SMS: variants seen among roughly 807,000 people sequenced by gnomAD.
SMS encodes the protein spermidine aminopropyltransferase.
SMS carries 3 observed loss-of-function variants against 33.0 expected under a neutral mutation model. The observed-to-expected ratio is 0.09, with a 90% CI of 0.04 to 0.23. The LOEUF is 0.23. Ranked by LOEUF, SMS falls within the 10% of genes least tolerant of loss-of-function variation. The pLI, the probability that SMS is intolerant of heterozygous loss-of-function variation, is 1.00. For synonymous variants in SMS, 103 were observed against 112.2 expected (o/e 0.92, Z 0.52); for missense variants, 117 against 288.6 (o/e 0.41, Z 4.31).
chrX:21,955,962 A>G (rs1462678816), intron 1 of SMS, among the ~76,000 whole-genome samples: 1 of 112,223 alleles, frequency 8.9e-6, no homozygotes, highest in Non-Finnish European at 1.9e-5. Flanking sequence ...AGTTTGAATC[A>G]CTTGACAACC....
intron 1 of SMS, among the ~76,000 whole-genome samples, chrX:21,966,661 A>T (rs1923743795): frequency 9.0e-6 from 1 of 111,242 alleles, no homozygotes; most frequent in Admixed American, 9.6e-5. Flanking sequence ...ACTGTTGGAT[A>T]TTTTTTTCCA....
chrX:21,977,196 G>A lies in SMS; in HGVS notation c.465G>A (p.Ser155=), dbSNP rs1261897927. The part of the protein sequence containing the change: ...SPYQNIKILH[S]KQFGNILILS... ...ATCAAAATATAAAAATTCTACACTC[G>A]AAGCAGTTTGGAAATATTCTCATCC... is the stretch of plus-strand genomic sequence containing the variant. Residue 155 remains serine (S), a synonymous_variant, in exon 5 of 11, where the codon TCG becomes TCA. Coordinates refer to ENST00000404933, the MANE Select transcript of SMS (RefSeq NM_004595.5). 2 of 1,207,515 alleles carry A rather than the reference G, an allele frequency of 1.7e-6. No individual in the cohort carries two copies. The highest frequency in any genetic ancestry group is 1.8e-5 in the South Asian group (1 of 56,890).
rs778029334 is a variant in SMS, at chrX:21,945,970, G to A, written c.49+5097G>A. ...TCAAATAACAAGATGTGGCAGCAAG[G>A]CTAGTAAGTTTCATAAGTAGAGCTG... is the stretch of plus-strand genomic sequence containing the variant. On this transcript the variant is annotated intron_variant, in intron 1 of 10. Transcript: ENST00000404933. Among the ~76,000 whole-genome samples, 20 of 111,700 alleles carry A rather than the reference G, an allele frequency of 1.8e-4. No homozygotes were observed. In the East Asian group the frequency reaches 5.4e-3, roughly 30 times the overall value.
chrX:21,944,544 A>AAAAAAAAAAAAAAAAAAAAG (rs1555992699), intron 1 of SMS, among the ~76,000 whole-genome samples: 12 of 99,044 alleles, frequency 1.2e-4, no homozygotes, highest in East Asian at 3.4e-4. Context: ...AAAAAAAAAA[A>AAAAAAAAAAAAAAAAAAAAG]AGAAAAAAAA....
chrX:21,967,174 CCTT>C lies in SMS; in HGVS notation c.50-17_50-15del. Reference sequence around the variant, plus strand: ...TGAACGTTTCTTTCTGACCATCTTGCCTTCTTCCCCTTGTTCTCCAGCTGATGG... The same window carrying C: ...TGAACGTTTCTTTCTGACCATCTTGCCTTCCCCTTGTTCTCCAGCTGATGG... On this transcript the variant is annotated intron_variant, in intron 1 of 10. Coordinates refer to ENST00000404933, the MANE Select transcript of SMS (RefSeq NM_004595.5). 1 of 1,207,101 alleles carries C rather than the reference CCTT, an allele frequency of 8.3e-7. No homozygotes were observed. Among genetic ancestry groups the C allele is most frequent in the East Asian group, 3.0e-5 (1 of 33,675 alleles).
At chrX:21,944,522 CAAAA>C (rs777680386) in intron 1 of SMS, among the ~76,000 whole-genome samples, 3 of 34,710 alleles carry the variant, frequency 8.6e-5, no homozygotes, top group African/African-American at 2.4e-4. Flanking sequence ...CCTGTCTCTA[CAAAA>C]AAAAAAAAAA....
intron 2 of SMS, among the ~76,000 whole-genome samples, chrX:21,971,068 C>T (rs1924120385): frequency 9.2e-6 from 1 of 109,085 alleles, no homozygotes; most frequent in Non-Finnish European, 1.9e-5. Context: ...TGGTGGGACA[C>T]GCCTGTGGTC....
At chrX:21,943,860 C>T (rs1011670003) in intron 1 of SMS, among the ~76,000 whole-genome samples, 1 of 111,518 alleles carries the variant, frequency 9.0e-6, no homozygotes, top group Non-Finnish European at 1.9e-5. Flanking sequence ...GAAAAATCGA[C>T]TTGTGAGGTC....
chrX:21,965,994 T>C (rs1454570172), intron 1 of SMS, among the ~76,000 whole-genome samples: 2 of 111,447 alleles, frequency 1.8e-5, no homozygotes, highest in African/African-American at 6.5e-5. Context: ...GAATAAGTCA[T>C]ATCTGTCCAC....
At position 21,940,773 on chromosome X, in the gene SMS, C is replaced by T. The variant is rs1205628736; in HGVS notation, c.-52C>T. The T allele has an allele frequency of 1.2e-5, 12 of 1,010,846 alleles. No individual in the cohort carries two copies. The highest frequency in any genetic ancestry group is 3.9e-5 in the East Asian group (1 of 25,857). 83.3% of individuals were successfully genotyped at this position (1,010,846 alleles called of 1,213,427 possible). ...CGCAGCCTGACACGCCGCGCGGCCC[C>T]CCAGTCTCCCGCGGCTGCTCCCCCA... On this transcript the variant is annotated 5_prime_UTR_variant, in exon 1 of 11. Coordinates refer to ENST00000404933, the MANE Select transcript of SMS (RefSeq NM_004595.5).
rs139529544 is a variant in SMS, at chrX:21,948,598, C to T, written c.49+7725C>T. Among the ~76,000 whole-genome samples, 687 of 110,709 alleles carry T rather than the reference C, an allele frequency of 6.2e-3. 6 individuals are homozygous for T. Among genetic ancestry groups the T allele is most frequent in the African/African-American group, 0.02 (622 of 30,347 alleles). Reference sequence around the variant, plus strand: ...TTCTCAGGAGATAAAGATTAAAATGCTGTGTTCTCTAATAGCTTTAAAAAG... The same window carrying T: ...TTCTCAGGAGATAAAGATTAAAATGTTGTGTTCTCTAATAGCTTTAAAAAG... On this transcript the variant is annotated intron_variant, in intron 1 of 10. Coordinates refer to ENST00000404933, the MANE Select transcript of SMS (RefSeq NM_004595.5).
intron 1 of SMS, among the ~76,000 whole-genome samples, chrX:21,959,064 C>G (rs6633494): frequency 0.27 from 30,219 of 110,875 alleles, 3,045 homozygotes; most frequent in Admixed American, 0.38. Context: ...CTGTGAACAT[C>G]TGTGTCAGCT....
intron 1 of SMS, among the ~76,000 whole-genome samples, chrX:21,946,788 C>G (rs1007548984): frequency 2.7e-5 from 3 of 111,852 alleles, no homozygotes; most frequent in African/African-American, 9.8e-5. Flanking sequence ...GCAGAGAAAC[C>G]CTGGTTTAAA....
At chrX:21,969,841 A>G (rs772970207) in intron 2 of SMS, among the ~76,000 whole-genome samples, 24 of 112,793 alleles carry the variant, frequency 2.1e-4, no homozygotes, top group Admixed American at 5.6e-4. Context: ...TTGAGACCGA[A>G]TCTTGCTCTG....
intron 7 of SMS, among the ~76,000 whole-genome samples, chrX:21,982,860 C>T (rs1415632257): frequency 8.9e-6 from 1 of 111,944 alleles, no homozygotes; most frequent in Non-Finnish European, 1.9e-5. Context: ...TTGAAAGCAA[C>T]GGTGGTGTTA....
intron 9 of SMS, among the ~76,000 whole-genome samples, chrX:21,987,332 TTTTTC>T (rs1343237759): frequency 2.7e-5 from 3 of 111,150 alleles, no homozygotes; most frequent in African/African-American, 9.8e-5. Flanking sequence ...ATATGGAAAT[TTTTTC>T]TTTTCATTTT....
chrX:21,941,884 C>CAAAAAAAAAAAAAAAAAAAA (rs760394146), intron 1 of SMS, among the ~76,000 whole-genome samples: 1 of 19,565 alleles, frequency 5.1e-5, no homozygotes, highest in African/African-American at 2.3e-4. Context: ...GACCCTGTCT[C>CAAAAAAAAAAAAAAAAAAAA]AAAAAAAAAA....
At chrX:21,941,884 C>CAAAAAAAA (rs760394146) in intron 1 of SMS, among the ~76,000 whole-genome samples, 5 of 19,571 alleles carry the variant, frequency 2.6e-4, no homozygotes, top group South Asian at 5.0e-3. Context: ...GACCCTGTCT[C>CAAAAAAAA]AAAAAAAAAA....
rs183363380 is a variant in SMS at position 21,946,359 on chromosome X, T to C, written c.49+5486T>C. ...AAACAAAAGCGGCTCTTTGAACTATTTGAAAACATAAAAGTTGTACTTAGT... is the reference window on the plus strand; with the variant it reads ...AAACAAAAGCGGCTCTTTGAACTATCTGAAAACATAAAAGTTGTACTTAGT... On this transcript the variant is annotated intron_variant, in intron 1 of 10. Transcript: ENST00000404933. Among the ~76,000 whole-genome samples, 3 of 112,671 alleles carry C rather than the reference T, an allele frequency of 2.7e-5. No homozygotes were observed. The East Asian group carries it at 8.4e-4, about 31-fold the overall frequency.
Sources: gnomAD v4.1 joint callset for allele counts (sites outside exome capture counted in the v4.1 genomes callset) on GRCh38, gnomAD v4.1.1 for gene constraint, MANE v1.5 for transcripts, NCBI Gene and HGNC (gene_info 2026-07-23, HGNC 2026-07-21) for gene names.